Variants in APC observed in about 807,000 individuals in gnomAD.
APC encodes APC regulator of Wnt signaling pathway.
Under a neutral mutation model 247.0 loss-of-function variants are expected in APC, and 72 were observed. That is an observed-to-expected ratio of 0.29 (90% CI 0.24 to 0.35). The LOEUF (loss-of-function observed/expected upper bound fraction) is 0.35, where lower values mean the gene tolerates loss of function less well. Ranked by LOEUF, APC falls within the 10% of genes least tolerant of loss-of-function variation. The pLI is 1.00. For missense variants in APC, 3,400 were observed against 3,360.7 expected, an observed-to-expected ratio of 1.01 and a Z score of -0.29; for synonymous variants, 1,254 against 1,162.5, an observed-to-expected ratio of 1.08 and a Z score of -1.60.
Position 112,846,198 on chromosome 5 carries a change from T to C in APC, c.*2072T>C, listed in dbSNP as rs1766983110. ...ATTGTCTATGAATACCATCTACTTCTGTTGTTTTCCCAGGCTTCCATAAAC... is the reference window on the plus strand; with the variant it reads ...ATTGTCTATGAATACCATCTACTTCCGTTGTTTTCCCAGGCTTCCATAAAC... On this transcript the variant is annotated 3_prime_UTR_variant, in exon 16 of 16. Coordinates refer to ENST00000257430, the MANE Select transcript of APC (RefSeq NM_000038.6). 1 of 231,082 alleles carries C rather than the reference T, an allele frequency of 4.3e-6. No individual in the cohort carries two copies. Among genetic ancestry groups the C allele is most frequent in the South Asian group, 1.8e-4 (1 of 5,512 alleles). 14.3% of individuals were successfully genotyped at this position (231,082 alleles called of 1,614,324 possible).
In APC at chr5:112,821,914, A is replaced by G. The variant is rs371065509; in HGVS notation, c.1331A>G (p.His444Arg). The change falls in exon 11 of 16, where the codon CAT (histidine) becomes CGT (arginine). Residue 444 changes from histidine (H) to arginine (R), a missense_variant. Physicochemically the swap from His to Arg is conservative, Grantham distance 29. Transcript: ENST00000257430. ...DKNPMPAPVEHQICPAVCVLM... is the reference protein window; with the variant it reads ...DKNPMPAPVERQICPAVCVLM... ...TTTTCAGTGCCAGCTCCTGTTGAACATCAGATCTGTCCTGCTGTGTGTGTT... is the reference window on the plus strand; with the variant it reads ...TTTTCAGTGCCAGCTCCTGTTGAACGTCAGATCTGTCCTGCTGTGTGTGTT... 7 of 1,613,164 alleles carry G rather than the reference A, an allele frequency of 4.3e-6. No individual in the cohort carries two copies. The African/African-American group carries it at 9.3e-5, about 22-fold the overall frequency.
At chr5:112,814,897 C>T (rs928141740) in intron 8 of APC, among the ~76,000 whole-genome samples, 3 of 152,206 alleles carry the variant, frequency 2.0e-5, no homozygotes, top group South Asian at 2.1e-4. Context: ...AAAATGCCTA[C>T]CTTAAATGTT....
chr5:112,737,835 GGC>G, upstream of APC: 2 of 985,628 alleles, frequency 2.0e-6, no homozygotes, highest in Non-Finnish European at 2.4e-6. Context: ...GCTGGGTGTG[GGC>G]GCACGTGACC....
rs1060503370 is a variant in APC, at chr5:112,842,507, A to G, written c.6913A>G (p.Arg2305Gly). Residue 2305 changes from arginine to glycine, a missense_variant, in exon 16 of 16, where the codon AGA becomes GGA. Physicochemically the swap from Arg to Gly is moderately radical, Grantham distance 125. Coordinates refer to ENST00000257430, the MANE Select transcript of APC (RefSeq NM_000038.6). ...TAAAGCACCTTCTAGATCAGGATCT[A>G]GAGATTCGACCCCTTCAAGACCTGC... ...SSKAPSRSGS[R>G]DSTPSRPAQQ... The G allele has an allele frequency of 1.2e-6, 2 of 1,614,056 alleles. No individual in the cohort carries two copies. The highest frequency in any genetic ancestry group is 1.7e-6 in the Non-Finnish European group (2 of 1,179,960).
intron 14 of APC, among the ~76,000 whole-genome samples, chr5:112,831,527 C>T (rs1193941556): frequency 6.6e-6 from 1 of 152,198 alleles, no homozygotes; most frequent in African/African-American, 2.4e-5. Flanking sequence ...GTGCAGCAGT[C>T]ATGAACATTC....
chr5:112,778,542 C>T (rs1249919697), intron 5 of APC: 1 of 142,488 alleles, frequency 7.0e-6, no homozygotes, highest in African/African-American at 2.5e-5. Flanking sequence ...AAATATTTCA[C>T]GTAACTTATT....
chr5:112,777,279 C>G (rs1024428699), intron 5 of APC, among the ~76,000 whole-genome samples: 1 of 151,276 alleles, frequency 6.6e-6, no homozygotes, highest in Non-Finnish European at 1.5e-5. Flanking sequence ...TACACACACA[C>G]ACACGAAAAA....
intron 14 of APC, among the ~76,000 whole-genome samples, chr5:112,832,793 G>A (rs754219678): frequency 6.6e-6 from 1 of 152,180 alleles, no homozygotes; most frequent in East Asian, 1.9e-4. Context: ...AATTCAGGGT[G>A]TAATAGTTTT....
At chr5:112,736,335 C>A (rs1181358102), upstream of APC, among the ~76,000 whole-genome samples, 1 of 152,058 alleles carries the variant, frequency 6.6e-6, no homozygotes, top group Non-Finnish European at 1.5e-5. Flanking sequence ...GTGGAAATAA[C>A]TCACTTGTTA....
intron 10 of APC, among the ~76,000 whole-genome samples, chr5:112,819,886 C>T (rs563674887): frequency 6.6e-6 from 1 of 152,244 alleles, no homozygotes; most frequent in South Asian, 2.1e-4. Context: ...AAGGACTTAA[C>T]CATGGCCTCA....
intron 8 of APC, among the ~76,000 whole-genome samples, chr5:112,807,308 T>C (rs1284649107): frequency 6.6e-6 from 1 of 152,174 alleles, no homozygotes; most frequent in African/African-American, 2.4e-5. Context: ...TCTGGGTTTT[T>C]GTAATTTGTT....
chr5:112,741,436 T>C (rs1237049935), intron 1 of APC, among the ~76,000 whole-genome samples: 1 of 152,198 alleles, frequency 6.6e-6, no homozygotes, highest in African/African-American at 2.4e-5. Context: ...TTCTCAAAAG[T>C]TGACTTTGTA....
At chr5:112,743,011 A>G (rs1031727631) in intron 1 of APC, among the ~76,000 whole-genome samples, 2 of 152,214 alleles carry the variant, frequency 1.3e-5, no homozygotes, top group African/African-American at 2.4e-5. Context: ...TGGAGATCAG[A>G]CACGGTTTTC....
At chr5:112,746,400 A>G (rs1206214047) in intron 1 of APC, among the ~76,000 whole-genome samples, 1 of 152,180 alleles carries the variant, frequency 6.6e-6, no homozygotes, top group Non-Finnish European at 1.5e-5. Flanking sequence ...GCATAAGCTT[A>G]ATTGAAAACC....
intron 13 of APC, among the ~76,000 whole-genome samples, chr5:112,828,630 C>T (rs1763974320): frequency 6.6e-6 from 1 of 151,836 alleles, no homozygotes; most frequent in Admixed American, 6.6e-5. Context: ...AAAAAGTTTT[C>T]ATAGAGACAG....
At position 112,762,406 on chromosome 5, in the gene APC, A is replaced by G. The variant is rs145467932; in HGVS notation, c.136-3920A>G. Among the ~76,000 whole-genome samples, 248 of 152,348 alleles carry G rather than the reference A, an allele frequency of 1.6e-3. 1 individual carries two copies. Among genetic ancestry groups the G allele is most frequent in the Non-Finnish European group, 2.4e-3 (165 of 68,022 alleles). ...CAAGAATGTTCATAGTGACATTCTA[A>G]ATAATAGCCTGCAGACTGGTAACAG... On this transcript the variant is annotated intron_variant, in intron 2 of 15. Coordinates refer to ENST00000257430, the MANE Select transcript of APC (RefSeq NM_000038.6).
At chr5:112,764,650 A>C (rs1756064463) in intron 2 of APC, among the ~76,000 whole-genome samples, 1 of 152,228 alleles carries the variant, frequency 6.6e-6, no homozygotes, top group East Asian at 1.9e-4. Flanking sequence ...GAAGTTTGCA[A>C]GTGAAGTTAG....
At chr5:112,745,283 A>G (rs1465504739) in intron 1 of APC, among the ~76,000 whole-genome samples, 1 of 152,126 alleles carries the variant, frequency 6.6e-6, no homozygotes, top group Non-Finnish European at 1.5e-5. Flanking sequence ...TGTATCAATG[A>G]CAATAAAAAG....
chr5:112,750,433 T>G (rs571234149), intron 1 of APC, among the ~76,000 whole-genome samples: 2 of 152,340 alleles, frequency 1.3e-5, no homozygotes, highest in Non-Finnish European at 2.9e-5. Flanking sequence ...AGGGACCACA[T>G]GAGGCATTAG....
Sources: allele counts gnomAD v4.1 joint callset (sites outside exome capture counted in the v4.1 genomes callset), GRCh38; gene constraint gnomAD v4.1.1; transcripts MANE v1.5; gene names NCBI Gene and HGNC (gene_info 2026-07-23, HGNC 2026-07-21).